SMAP1: variants seen among roughly 807,000 people sequenced by gnomAD.
SMAP1 encodes stromal membrane-associated protein 1.
SMAP1 carries 24 observed loss-of-function variants against 58.5 expected under a neutral mutation model. The observed-to-expected ratio is 0.41, with a 90% CI of 0.30 to 0.58. The LOEUF (loss-of-function observed/expected upper bound fraction) is 0.58, where lower values mean the gene tolerates loss of function less well. Among genes scored for constraint, SMAP1 ranks in the 20% least tolerant of loss-of-function variants. The pLI, the probability that SMAP1 is intolerant of heterozygous loss-of-function variation, is 0.29. For synonymous variants in SMAP1, 216 were observed against 196.6 expected, an observed-to-expected ratio of 1.10 and a Z score of -0.82; for missense variants, 563 against 566.3, an observed-to-expected ratio of 0.99 and a Z score of 0.06.
intron 4 of SMAP1, among the ~76,000 whole-genome samples, chr6:70,791,077 G>T (rs1439435094): frequency 2.6e-5 from 4 of 152,176 alleles, no homozygotes; most frequent in African/African-American, 9.7e-5. Context: ...TATAGCACTG[G>T]AAATGGTGTT....
At chr6:70,755,675 T>G (rs1766457412) in intron 3 of SMAP1, among the ~76,000 whole-genome samples, 1 of 152,016 alleles carries the variant, frequency 6.6e-6, no homozygotes, top group Non-Finnish European at 1.5e-5. Context: ...TGTTACTAAG[T>G]GTAAAATGTT....
chr6:70,779,329 G>T (rs1387285961), intron 4 of SMAP1, among the ~76,000 whole-genome samples: 1 of 152,176 alleles, frequency 6.6e-6, no homozygotes, highest in Non-Finnish European at 1.5e-5. Flanking sequence ...GGGATTATTG[G>T]GCTTCAGGGC....
At chr6:70,700,307 C>T (rs933501877) in intron 1 of SMAP1, among the ~76,000 whole-genome samples, 5 of 152,150 alleles carry the variant, frequency 3.3e-5, no homozygotes, top group Non-Finnish European at 7.4e-5. Flanking sequence ...CCAATTAAAC[C>T]TCTTTTCTCT....
chr6:70,684,062 G>T (rs1329357483), intron 1 of SMAP1, among the ~76,000 whole-genome samples: 3 of 152,246 alleles, frequency 2.0e-5, no homozygotes, highest in Non-Finnish European at 2.9e-5. Context: ...CGTTATCTAT[G>T]TAATGGCAGC....
At chr6:70,759,972 T>A in intron 3 of SMAP1, 1 of 352,176 alleles carries the variant, frequency 2.8e-6, no homozygotes, top group Non-Finnish European at 5.8e-6. Context: ...GCATAATATT[T>A]TCTTTTGTGG....
At chr6:70,744,967 T>C (rs1412861668) in intron 2 of SMAP1, among the ~76,000 whole-genome samples, 1 of 152,226 alleles carries the variant, frequency 6.6e-6, no homozygotes, top group African/African-American at 2.4e-5. Context: ...TGCATAAATA[T>C]CTTCTTTTGA....
chr6:70,802,472 C>T (rs1264655581), intron 6 of SMAP1, among the ~76,000 whole-genome samples: 2 of 152,256 alleles, frequency 1.3e-5, no homozygotes, highest in East Asian at 3.9e-4. Context: ...ATTTGACTTC[C>T]TCTTTTCCTA....
intron 1 of SMAP1, among the ~76,000 whole-genome samples, chr6:70,691,518 C>G (rs897124840): frequency 2.0e-5 from 3 of 152,080 alleles, no homozygotes; most frequent in African/African-American, 7.2e-5. Context: ...TGTAATCACC[C>G]TGTTGTGTTA....
intron 1 of SMAP1, among the ~76,000 whole-genome samples, chr6:70,689,732 T>A (rs1767080065): frequency 6.6e-6 from 1 of 152,222 alleles, no homozygotes; most frequent in African/African-American, 2.4e-5. Flanking sequence ...TAGATCTTAC[T>A]TAATTTTGCT....
chr6:70,833,663 C>T (rs1447727121), intron 6 of SMAP1, among the ~76,000 whole-genome samples: 1 of 152,152 alleles, frequency 6.6e-6, no homozygotes, highest in Non-Finnish European at 1.5e-5. Context: ...CTAAGAAATA[C>T]ATTTTACATT....
At chr6:70,710,493 C>CAAAAA (rs35171922) in intron 1 of SMAP1, among the ~76,000 whole-genome samples, 3 of 75,300 alleles carry the variant, frequency 4.0e-5, no homozygotes, top group African/African-American at 5.3e-5. Flanking sequence ...ACTCCCATCT[C>CAAAAA]AAAAAAAAAA....
intron 2 of SMAP1, among the ~76,000 whole-genome samples, chr6:70,741,656 C>T (rs957458132): frequency 5.9e-5 from 9 of 152,294 alleles, no homozygotes; most frequent in Admixed American, 1.3e-4. Flanking sequence ...GATGGTGACC[C>T]TCTTCTCGTA....
At chr6:70,801,365 T>A (rs999180264) in intron 6 of SMAP1, among the ~76,000 whole-genome samples, 3 of 150,958 alleles carry the variant, frequency 2.0e-5, no homozygotes, top group Admixed American at 6.6e-5. Flanking sequence ...TTGATGTGGT[T>A]TTTTTTTCTT....
At chr6:70,814,679 T>G (rs936441019) in intron 6 of SMAP1, among the ~76,000 whole-genome samples, 2 of 152,132 alleles carry the variant, frequency 1.3e-5, no homozygotes, top group African/African-American at 4.8e-5. Context: ...AAAGCAGGCC[T>G]TAGGACTAAG....
chr6:70,794,987 A>G (rs1403552732), intron 5 of SMAP1, among the ~76,000 whole-genome samples: 2 of 151,660 alleles, frequency 1.3e-5, no homozygotes, highest in Non-Finnish European at 2.9e-5. Flanking sequence ...ATGGGGTTTC[A>G]CCGTGTTAGC....
At chr6:70,852,416 C>A in intron 7 of SMAP1, 124 bp from the exon 8 acceptor site, 1 of 1,008,116 alleles carries the variant, frequency 9.9e-7, no homozygotes, top group Non-Finnish European at 1.3e-6. Flanking sequence ...AGAAGGAGAA[C>A]AAATGTTTTA....
At chr6:70,784,061 G>C (rs1333584986) in intron 4 of SMAP1, among the ~76,000 whole-genome samples, 2 of 152,074 alleles carry the variant, frequency 1.3e-5, no homozygotes, top group Non-Finnish European at 1.5e-5. Flanking sequence ...AGAAAGGTCG[G>C]GTTACCCACA....
chr6:70,774,454 T>A (rs1486415392), intron 4 of SMAP1, among the ~76,000 whole-genome samples: 1 of 152,228 alleles, frequency 6.6e-6, no homozygotes, highest in Admixed American at 6.5e-5. Flanking sequence ...ATTCATCTCA[T>A]TTTTCATACA....
rs1768070758 is a variant in SMAP1, at chr6:70,786,998, C to A, written c.415-4691C>A. ...AAAGAGCCCGCATCGCCAAGTCAGTCCTAAGCCAAAAGAACAAAGCTGGAG... is the reference window on the plus strand; with the variant it reads ...AAAGAGCCCGCATCGCCAAGTCAGTACTAAGCCAAAAGAACAAAGCTGGAG... On this transcript the variant is annotated intron_variant, in intron 4 of 10. Coordinates refer to ENST00000370455, the MANE Select transcript of SMAP1 (RefSeq NM_001044305.3). 3.3e-5 allele frequency among the ~76,000 whole-genome samples: 5 copies of A among 152,278 alleles called. No homozygotes were observed. In the South Asian group the frequency reaches 1.0e-3, roughly 32 times the overall value.
Sources: gnomAD v4.1 joint callset for allele counts (sites outside exome capture counted in the v4.1 genomes callset) on GRCh38, gnomAD v4.1.1 for gene constraint, MANE v1.5 for transcripts, NCBI Gene and HGNC (gene_info 2026-07-23, HGNC 2026-07-21) for gene names.